Variants in RBM27 observed in about 807,000 individuals in gnomAD.
RBM27 encodes the protein RNA binding motif protein 27, also known as RNA-binding protein 27.
Under a neutral mutation model 135.3 loss-of-function variants are expected in RBM27, and 22 were observed. The observed-to-expected ratio is 0.16, with a 90% CI of 0.12 to 0.23. The LOEUF (loss-of-function observed/expected upper bound fraction) is 0.23. RBM27 is among the 10% of genes least tolerant of loss of function. RBM27 has a pLI of 1.00. For missense variants in RBM27, 1,009 were observed against 1,281.0 expected (o/e 0.79, Z 3.24); for synonymous variants, 481 against 442.4 (o/e 1.09, Z -1.10).
At chr5:146,242,669 C>T (rs1483196924) in intron 8 of RBM27, among the ~76,000 whole-genome samples, 2 of 152,194 alleles carry the variant, frequency 1.3e-5, no homozygotes, top group Admixed American at 1.3e-4. Context: ...TCTCAGCTCA[C>T]TGCAACCTCC....
chr5:146,269,736 T>A, intron 17 of RBM27, 152 bp downstream of exon 17: 2 of 349,248 alleles, frequency 5.7e-6, no homozygotes, highest in Non-Finnish European at 9.9e-6. Context: ...ATCCTAATTA[T>A]AGTACCTTTT....
intron 1 of RBM27, among the ~76,000 whole-genome samples, chr5:146,204,816 CTT>C: frequency 6.6e-6 from 1 of 151,998 alleles, no homozygotes; most frequent in Non-Finnish European, 1.5e-5. Flanking sequence ...AGAGACCTGT[CTT>C]TTAAAAATAT....
intron 2 of RBM27, among the ~76,000 whole-genome samples, chr5:146,222,545 G>A (rs1424523327): frequency 2.0e-5 from 3 of 152,140 alleles, no homozygotes; most frequent in African/African-American, 7.2e-5. Flanking sequence ...TTAGCTGGGC[G>A]TGGTGGCACA....
rs73793874 is a variant in RBM27 at position 146,218,861 on chromosome 5, G to C, written c.60-124G>C. 81 of 556,052 alleles carry C rather than the reference G, an allele frequency of 1.5e-4. 1 individual carries two copies. In the African/African-American group the frequency reaches 1.5e-3, roughly 10 times the overall value. 34.4% of individuals were successfully genotyped at this position (556,052 alleles called of 1,614,324 possible). On this transcript the variant is annotated intron_variant, in intron 1 of 20. Coordinates refer to ENST00000265271, the MANE Select transcript of RBM27 (RefSeq NM_018989.2). ...TTTATTATAAAAGTTGCCTGTGTTTGTGGTCACTTTTTAGAATAGAGTTTT... is the reference window on the plus strand; with the variant it reads ...TTTATTATAAAAGTTGCCTGTGTTTCTGGTCACTTTTTAGAATAGAGTTTT...
At chr5:146,219,916 T>G (rs1756373808) in intron 2 of RBM27, among the ~76,000 whole-genome samples, 1 of 152,098 alleles carries the variant, frequency 6.6e-6, no homozygotes, top group Non-Finnish European at 1.5e-5. Flanking sequence ...ATTTTTGTAG[T>G]GTTGGGGTCT....
chr5:146,214,166 A>G (rs191800743), intron 1 of RBM27, among the ~76,000 whole-genome samples: 33 of 152,308 alleles, frequency 2.2e-4, no homozygotes, highest in African/African-American at 5.3e-4. Flanking sequence ...TATCTTTACA[A>G]ATTTACAAAT....
At chr5:146,269,688 A>G in intron 17 of RBM27, 104 bp downstream of exon 17, 1 of 612,748 alleles carries the variant, frequency 1.6e-6, no homozygotes, top group Non-Finnish European at 2.5e-6. Context: ...ATATCCTAAC[A>G]GGGATATAGG....
intron 11 of RBM27, among the ~76,000 whole-genome samples, chr5:146,260,463 A>G (rs1051897601): frequency 1.4e-4 from 22 of 152,142 alleles, no homozygotes; most frequent in South Asian, 4.1e-4. Flanking sequence ...GGCTCAAGCA[A>G]TCCTCCTGCT....
chr5:146,269,458 A>G lies in RBM27; in HGVS notation c.2565A>G (p.Lys855=), dbSNP rs1198268754. ...AGTTAGAAAAAAACAAAAACATGAA[A>G]CCAGAAGAAAGAGCAAATATAATGA... ...ISKLEKNKNM[K]PEERANIMKT... is the part of the protein sequence containing the mutation. Residue 855 remains lysine, a synonymous_variant, in exon 17 of 21, where the codon AAA becomes AAG. Coordinates refer to ENST00000265271, the MANE Select transcript of RBM27 (RefSeq NM_018989.2). 2 of 1,568,478 alleles carry G rather than the reference A, an allele frequency of 1.3e-6. No homozygotes were observed. The highest frequency in any genetic ancestry group is 1.7e-6 in the Non-Finnish European group (2 of 1,161,278).
At chr5:146,225,657 C>T (rs1019228465) in intron 3 of RBM27, among the ~76,000 whole-genome samples, 1 of 151,664 alleles carries the variant, frequency 6.6e-6, no homozygotes, top group African/African-American at 2.4e-5. Context: ...CTTCCACCTC[C>T]TGGGTTCAAG....
rs565616924 is a variant in RBM27, at chr5:146,229,958, C to T, written c.589+48C>T. The T allele has an allele frequency of 8.8e-6, 14 of 1,598,724 alleles. No individual in the cohort carries two copies. The Admixed American group carries it at 1.2e-4, about 13-fold the overall frequency. On this transcript the variant is annotated intron_variant, in intron 5 of 20. Coordinates refer to ENST00000265271, the MANE Select transcript of RBM27 (RefSeq NM_018989.2). ...AAAAACTCTGTAGTTATTTATCTGT[C>T]TCTATCACAGGGGTGCAAGAAATTC...
rs1202402018 is a variant in RBM27, at chr5:146,267,673, A to G, written c.2356A>G (p.Lys786Glu). 1 of 1,595,014 alleles carries G rather than the reference A, an allele frequency of 6.3e-7. No individual in the cohort carries two copies. Among genetic ancestry groups the G allele is most frequent in the East Asian group, 2.2e-5 (1 of 44,640 alleles). Residue 786 changes from lysine (K) to glutamate (E), a missense_variant, in exon 15 of 21, where the codon AAA (lysine) becomes GAA (glutamate). Lys to Glu is a moderately conservative substitution (Grantham distance 56). Coordinates refer to ENST00000265271, the MANE Select transcript of RBM27 (RefSeq NM_018989.2). ...GATATTTTCAACTCCAGGCCATCCA[A>G]AAATGATTTACAGCTCCTCAAACTT... is the stretch of plus-strand genomic sequence containing the variant. ...CQIFSTPGHPKMIYSSSNLKT... is the reference protein window; with the variant it reads ...CQIFSTPGHPEMIYSSSNLKT...
At chr5:146,229,974 C>T in intron 5 of RBM27, 64 bp downstream of exon 5, 11 of 1,563,936 alleles carry the variant, frequency 7.0e-6, no homozygotes, top group South Asian at 5.7e-5. Context: ...CACAGGGGTG[C>T]AAGAAATTCT....
chr5:146,215,907 C>T (rs1350810892), intron 1 of RBM27, among the ~76,000 whole-genome samples: 2 of 151,954 alleles, frequency 1.3e-5, no homozygotes, highest in African/African-American at 2.4e-5. Context: ...CACACCACCA[C>T]GCCTGGCTAA....
intron 9 of RBM27, among the ~76,000 whole-genome samples, chr5:146,253,832 A>G (rs1757998035): frequency 6.6e-6 from 1 of 152,138 alleles, no homozygotes; most frequent in Admixed American, 6.6e-5. Flanking sequence ...TGTGCTGCTT[A>G]TTGGCCGTTG....
intron 13 of RBM27, among the ~76,000 whole-genome samples, chr5:146,263,242 A>G (rs934569040): frequency 2.6e-4 from 40 of 152,144 alleles, no homozygotes; most frequent in African/African-American, 9.7e-4. Flanking sequence ...AAAATAATTA[A>G]TGGTTTTTTT....
intron 19 of RBM27, among the ~76,000 whole-genome samples, chr5:146,280,786 G>C (rs752953224): frequency 6.6e-6 from 1 of 152,090 alleles, no homozygotes; most frequent in African/African-American, 2.4e-5. Flanking sequence ...GAAATAAGGT[G>C]GTGCTATGCC....
chr5:146,207,604 T>A (rs1270884983), intron 1 of RBM27, among the ~76,000 whole-genome samples: 2 of 152,136 alleles, frequency 1.3e-5, no homozygotes, highest in African/African-American at 2.4e-5. Context: ...GGGGGATTTT[T>A]AAAATGTTAC....
chr5:146,220,877 A>C (rs1461347894), intron 2 of RBM27, among the ~76,000 whole-genome samples: 1 of 152,318 alleles, frequency 6.6e-6, no homozygotes, highest in South Asian at 2.1e-4. Flanking sequence ...TTGGGGTAAA[A>C]GGCCAAATGA....
Sources: gnomAD v4.1 joint callset for allele counts (sites outside exome capture counted in the v4.1 genomes callset) on GRCh38, gnomAD v4.1.1 for gene constraint, MANE v1.5 for transcripts, NCBI Gene and HGNC (gene_info 2026-07-23, HGNC 2026-07-21) for gene names.